The following ZNF454 variants were observed in gnomAD, a reference collection of about 807,000 sequenced individuals.
ZNF454 encodes zinc finger protein 454.
A neutral mutation model predicts 48.2 loss-of-function variants in ZNF454; 30 were observed. The ratio of observed to expected loss-of-function variants is 0.62; its 90% CI spans 0.47 to 0.84. The LOEUF is 0.84. ZNF454 is among the 40% of genes least tolerant of loss of function. ZNF454 has a pLI of 0.00. For missense variants in ZNF454, 510 were observed against 623.1 expected, an observed-to-expected ratio of 0.82 and a Z score of 1.93; for synonymous variants, 204 against 211.4, an observed-to-expected ratio of 0.97 and a Z score of 0.30.
the ZNF454 span, among the ~76,000 whole-genome samples, chr5:178,975,200 GA>G: frequency 7.9e-5 from 12 of 152,124 alleles, no homozygotes; most frequent in African/African-American, 2.9e-4. Context: ...AGAATCACTT[GA>G]ACCCGGGAGG....
chr5:178,981,909 C>G, the ZNF454 span: 1 of 1,059,490 alleles, frequency 9.4e-7, no homozygotes, highest in Admixed American at 1.7e-5. This position sits in a 1 kb window ranked among gnomAD's most constrained non-coding sequence, Gnocchi z 5.1. Flanking sequence ...CCCTGCCCCG[C>G]TCCACACAGT....
At chr5:178,983,985 G>C in the ZNF454 span, among the ~76,000 whole-genome samples, 1 of 152,194 alleles carries the variant, frequency 6.6e-6, no homozygotes, top group South Asian at 2.1e-4. Flanking sequence ...CCTGGAGCAG[G>C]GCCATGTGAT....
At chr5:178,989,351 C>G in the ZNF454 span, 1 of 1,614,016 alleles carries the variant, frequency 6.2e-7, no homozygotes, top group Admixed American at 1.7e-5. Flanking sequence ...CTCGGCGAAC[C>G]AGATGTTCCT....
chr5:178,960,676 T>C (rs72816656), intron 4 of ZNF454, among the ~76,000 whole-genome samples: 1 of 151,944 alleles, frequency 6.6e-6, no homozygotes, highest in Non-Finnish European at 1.5e-5. Flanking sequence ...TTATACATTT[T>C]TAAAGTTATG....
At chr5:178,969,168 C>G (rs912888641), downstream of ZNF454, among the ~76,000 whole-genome samples, 1 of 152,190 alleles carries the variant, frequency 6.6e-6, no homozygotes, top group Non-Finnish European at 1.5e-5. Flanking sequence ...ACGGCCTTCT[C>G]GACTAGGGGA....
chr5:178,986,165 G>A, the ZNF454 span: 3 of 1,613,928 alleles, frequency 1.9e-6, no homozygotes, highest in South Asian at 1.1e-5. Context: ...ATGACCAGCT[G>A]TGAGGTGGGG....
At chr5:178,960,977 C>T (rs1200090653) in intron 4 of ZNF454, among the ~76,000 whole-genome samples, 1 of 148,544 alleles carries the variant, frequency 6.7e-6, no homozygotes, top group East Asian at 2.1e-4. Context: ...TGTCGCCAGG[C>T]TGGAGTGCAG....
At chr5:178,985,076 C>T in the ZNF454 span, among the ~76,000 whole-genome samples, 903 of 152,256 alleles carry the variant, frequency 5.9e-3, 36 homozygotes, top group East Asian at 0.11. Context: ...AAACGCTGGC[C>T]ACTGGATGGA....
chr5:178,945,840 C>G (rs1419738155), intron 2 of ZNF454, among the ~76,000 whole-genome samples: 3 of 151,924 alleles, frequency 2.0e-5, no homozygotes, highest in African/African-American at 7.3e-5. Flanking sequence ...GATGTAGAGA[C>G]AGACAGTCCA....
intron 4 of ZNF454, among the ~76,000 whole-genome samples, chr5:178,962,424 A>G: frequency 6.6e-6 from 1 of 150,856 alleles, no homozygotes; most frequent in East Asian, 2.1e-4. Flanking sequence ...AATAATGTTT[A>G]GTTTTTTAGC....
At chr5:178,974,551 C>G in the ZNF454 span, among the ~76,000 whole-genome samples, 1 of 152,008 alleles carries the variant, frequency 6.6e-6, no homozygotes, top group African/African-American at 2.4e-5. Context: ...ATCTCCTGAC[C>G]TCGTGATCCA....
At chr5:178,977,515 G>A in the ZNF454 span, 1 of 334,520 alleles carries the variant, frequency 3.0e-6, no homozygotes, top group Non-Finnish European at 6.3e-6. Context: ...CCTGAATAGA[G>A]TAAAACAGTA....
intron 2 of ZNF454, among the ~76,000 whole-genome samples, chr5:178,943,742 T>C (rs1322328671): frequency 6.6e-6 from 1 of 152,188 alleles, no homozygotes; most frequent in Non-Finnish European, 1.5e-5. Flanking sequence ...AATAAGAATA[T>C]GGGCCAGACG....
chr5:178,984,663 G>A, the ZNF454 span, among the ~76,000 whole-genome samples: 2 of 152,154 alleles, frequency 1.3e-5, no homozygotes, highest in Non-Finnish European at 2.9e-5. Context: ...TTCTCAGGAT[G>A]TGCGGCACAC....
chr5:178,982,576 CAAAAAAAAAAA>C, the ZNF454 span, among the ~76,000 whole-genome samples: 2 of 20,168 alleles, frequency 9.9e-5, no homozygotes, highest in Middle Eastern at 0.05. Flanking sequence ...GACTCTGTCT[CAAAAAAAAAAA>C]AAAAAAAAAA....
intron 4 of ZNF454, among the ~76,000 whole-genome samples, chr5:178,951,023 C>G (rs970171228): frequency 1.3e-5 from 2 of 152,016 alleles, no homozygotes; most frequent in African/African-American, 4.8e-5. Context: ...CCACGCCCGG[C>G]TAATTTTTGT....
the ZNF454 span, among the ~76,000 whole-genome samples, chr5:178,972,271 A>C: frequency 6.6e-6 from 1 of 152,208 alleles, no homozygotes; most frequent in African/African-American, 2.4e-5. Flanking sequence ...ATATATACAC[A>C]ATATATTTCA....
chr5:178,973,512 T>A, the ZNF454 span, among the ~76,000 whole-genome samples: 2 of 152,188 alleles, frequency 1.3e-5, no homozygotes, highest in African/African-American at 4.8e-5. Context: ...AAATCTTTTA[T>A]CCTCCAGTTT....
rs958088724 is a variant in ZNF454 at position 178,941,250 on chromosome 5, T to G, written c.-302T>G. On this transcript the variant is annotated 5_prime_UTR_variant, in exon 1 of 5. Coordinates refer to ENST00000519564, the MANE Select transcript of ZNF454 (RefSeq NM_001178089.3). The surrounding 1 kb of genome is among the most constrained non-coding windows in gnomAD (Gnocchi z 5.5). The stretch of plus-strand genomic sequence containing the variant: ...TGTGTTCTGACTGCGATGTGGCGCT[T>G]GCGATCTCTCGCCGCCGGCAGAGGC... The G allele has an allele frequency of 5.1e-6, 2 of 393,232 alleles. No individual in the cohort carries two copies. The highest frequency in any genetic ancestry group is 5.1e-6 in the Non-Finnish European group (1 of 195,384). The allele number at this position is 393,232 out of a possible 1,614,324, so 24.4% of individuals were successfully genotyped here. A position where few individuals can be genotyped will look rare whatever the true frequency, so the allele number is the denominator to read the frequency against.
Sources: gnomAD v4.1 joint callset for allele counts (sites outside exome capture counted in the v4.1 genomes callset) on GRCh38, gnomAD v4.1.1 for gene constraint, Gnocchi (gnomAD v3.1) non-coding constraint, MANE v1.5 for transcripts, NCBI Gene and HGNC (gene_info 2026-07-23, HGNC 2026-07-21) for gene names.